Variants in FYTTD1 observed in about 807,000 individuals in gnomAD.
FYTTD1 encodes forty-two-three domain containing 1, also known as UAP56-interacting factor.
A neutral mutation model predicts 40.9 loss-of-function variants in FYTTD1; 22 were observed. The observed-to-expected ratio is 0.54, with a 90% CI of 0.38 to 0.77. The LOEUF (loss-of-function observed/expected upper bound fraction) is 0.77, where lower values mean the gene tolerates loss of function less well. Ranked by LOEUF, FYTTD1 falls within the 30% of genes least tolerant of loss-of-function variation. The probability of loss-of-function intolerance (pLI) is 0.00; values close to 1 mark genes in which losing one functional copy is unlikely to be tolerated. For missense variants in FYTTD1, 351 were observed against 392.2 expected (o/e 0.90, Z 0.89); for synonymous variants, 140 against 137.9 (o/e 1.01, Z -0.10).
rs1729937912 is a variant in FYTTD1 at position 197,778,467 on chromosome 3, A to G, written c.858+3A>G. The G allele has an allele frequency of 6.3e-7, 1 of 1,588,242 alleles. No individual in the cohort carries two copies. Among genetic ancestry groups the G allele is most frequent in the Non-Finnish European group, 8.6e-7 (1 of 1,165,198 alleles). On this transcript the variant is annotated splice_donor_region_variant and intron_variant, in intron 8 of 8. Coordinates refer to ENST00000241502, the MANE Select transcript of FYTTD1 (RefSeq NM_032288.7). ...ACATAAACAGTGTCGGAAAACAGGT[A>G]AAAAAACGTTTTCTGTATTTTCTTG... is the stretch of plus-strand genomic sequence containing the variant.
intron 4 of FYTTD1, 119 bp downstream of exon 4, chr3:197,770,363 A>G: frequency 3.0e-6 from 2 of 658,388 alleles, no homozygotes; most frequent in Non-Finnish European, 2.7e-6. Context: ...CAAGACAGAT[A>G]TTTGGGATGT....
intron 1 of FYTTD1, among the ~76,000 whole-genome samples, chr3:197,750,987 C>T (rs1178041474): frequency 2.0e-5 from 3 of 152,150 alleles, no homozygotes; most frequent in Non-Finnish European, 4.4e-5. Flanking sequence ...ATATTTTTGT[C>T]GGGATTCAAG....
chr3:197,749,856 A>T (rs1171239150), upstream of FYTTD1: 2 of 604,890 alleles, frequency 3.3e-6, no homozygotes, highest in Non-Finnish European at 5.2e-6. Context: ...GAGACCGAGG[A>T]CGGCGCCGGC....
upstream of FYTTD1, chr3:197,749,859 G>A: frequency 1.3e-5 from 8 of 632,374 alleles, no homozygotes; most frequent in Non-Finnish European, 2.0e-5. Context: ...ACCGAGGACG[G>A]CGCCGGCGCG....
intron 1 of FYTTD1, among the ~76,000 whole-genome samples, chr3:197,752,133 C>T (rs1185726110): frequency 6.6e-6 from 1 of 152,172 alleles, no homozygotes; most frequent in African/African-American, 2.4e-5. Flanking sequence ...GCCTTGGCCT[C>T]CCCTACAGGC....
intron 8 of FYTTD1, among the ~76,000 whole-genome samples, chr3:197,780,586 A>G (rs978581109): frequency 1.3e-5 from 2 of 151,496 alleles, no homozygotes; most frequent in African/African-American, 2.4e-5. Context: ...TCTGTAGCCC[A>G]GGCTGGAGTG....
chr3:197,757,672 G>T (rs1411695341), intron 2 of FYTTD1, among the ~76,000 whole-genome samples: 4 of 152,188 alleles, frequency 2.6e-5, no homozygotes, highest in Non-Finnish European at 1.5e-5. Context: ...CCACTCAGGA[G>T]TTTGAGGTGG....
At position 197,782,055 on chromosome 3, in the gene FYTTD1, A is replaced by G. The variant is rs532153464; in HGVS notation, c.*146A>G. The G allele has an allele frequency of 6.5e-6, 2 of 307,744 alleles. No individual in the cohort carries two copies. Among genetic ancestry groups the G allele is most frequent in the Admixed American group, 5.1e-5 (1 of 19,546 alleles). The allele number at this position is 307,744 out of a possible 1,614,324, so 19.1% of individuals were successfully genotyped here. On this transcript the variant is annotated 3_prime_UTR_variant, in exon 9 of 9. Coordinates refer to ENST00000241502, the MANE Select transcript of FYTTD1 (RefSeq NM_032288.7). ...TTTATTTTTGAAGGTTTTTTTTTTT[A>G]AAAAAAAAAACGTATAAAATAATGC...
At chr3:197,764,661 A>G (rs900614050) in intron 2 of FYTTD1, among the ~76,000 whole-genome samples, 2 of 147,198 alleles carry the variant, frequency 1.4e-5, no homozygotes, top group African/African-American at 2.5e-5. Context: ...GTGAGCCGAG[A>G]TCGCGCCGCT....
At chr3:197,751,864 TA>T (rs1158905889) in intron 1 of FYTTD1, among the ~76,000 whole-genome samples, 1 of 151,966 alleles carries the variant, frequency 6.6e-6, no homozygotes, top group African/African-American at 2.4e-5. Flanking sequence ...AGCATTAAAT[TA>T]AATTAATTAA....
rs1387752609 is a variant in FYTTD1 at position 197,783,833 on chromosome 3, T to A, written c.*1924T>A. 12 of 152,618 alleles carry A rather than the reference T, an allele frequency of 7.9e-5. No homozygotes were observed. 9.5% of individuals were successfully genotyped at this position (152,618 alleles called of 1,614,324 possible). ...TTATTGTATAGAGCTATTCATGCCA[T>A]TTTTTGGGAAAACTTTAAAAATTGC... On this transcript the variant is annotated 3_prime_UTR_variant, in exon 9 of 9. Transcript: ENST00000241502.
chr3:197,769,954 G>A (rs898821065), intron 3 of FYTTD1, among the ~76,000 whole-genome samples, 178 bp from the exon 4 acceptor site: 7 of 152,134 alleles, frequency 4.6e-5, no homozygotes, highest in African/African-American at 1.4e-4. Context: ...ATAATGTGGG[G>A]TTTTCATCTT....
chr3:197,751,647 C>G lies in FYTTD1; in HGVS notation c.103+1573C>G, dbSNP rs530452904. Reference sequence around the variant, plus strand: ...ACCCTGTCTCCCCCCGCTCTCCCCCCCCGCAAAAAAGAGAGAGAAACCTTT... The same window carrying G: ...ACCCTGTCTCCCCCCGCTCTCCCCCGCCGCAAAAAAGAGAGAGAAACCTTT... On this transcript the variant is annotated intron_variant, in intron 1 of 8. Transcript: ENST00000241502. Among the ~76,000 whole-genome samples, 3 of 151,032 alleles carry G rather than the reference C, an allele frequency of 2.0e-5. No homozygotes were observed. The South Asian group carries it at 6.3e-4, about 32-fold the overall frequency.
In FYTTD1 at chr3:197,749,891, G is replaced by A. The variant is rs1290555508; in HGVS notation, c.-81G>A. 3.4e-6 allele frequency: 3 copies of A among 880,040 alleles called. No individual in the cohort carries two copies. The highest frequency in any genetic ancestry group is 4.3e-5 in the South Asian group (2 of 46,664). The allele number at this position is 880,040 out of a possible 1,614,324, so 54.5% of individuals were successfully genotyped here. A position where few individuals can be genotyped will look rare whatever the true frequency, so the allele number is the denominator to read the frequency against. On this transcript the variant is annotated 5_prime_UTR_variant, in exon 1 of 9. Transcript: ENST00000241502. ...CGCGTGCGCGCTCCCTCGGTGCGGCGGGCTGCGTGCGCGAGTGGGAGGTGG... is the reference window on the plus strand; with the variant it reads ...CGCGTGCGCGCTCCCTCGGTGCGGCAGGCTGCGTGCGCGAGTGGGAGGTGG...
At chr3:197,779,981 A>G (rs1249199651) in intron 8 of FYTTD1, among the ~76,000 whole-genome samples, 2 of 138,304 alleles carry the variant, frequency 1.4e-5, no homozygotes, top group African/African-American at 5.7e-5. Context: ...GGATGCAGGC[A>G]CACACACTAC....
At position 197,774,300 on chromosome 3, in the gene FYTTD1, T is replaced by A. The variant is rs969667282; in HGVS notation, c.656+90T>A. ...ATCATGTACCTCAGTCCAGAAGAAA[T>A]TAATTGAAACCCAAAATAAAATTCA... On this transcript the variant is annotated intron_variant, in intron 6 of 8. Transcript: ENST00000241502. 29 of 1,092,586 alleles carry A rather than the reference T, an allele frequency of 2.7e-5. No homozygotes were observed. The Admixed American group carries it at 2.9e-4, about 11-fold the overall frequency. The allele number at this position is 1,092,586 out of a possible 1,614,324, so 67.7% of individuals were successfully genotyped here.
chr3:197,755,611 AATTTATTTATTTATTTATTTATTT>A (rs10554264), intron 1 of FYTTD1: 6 of 201,108 alleles, frequency 3.0e-5, no homozygotes, highest in African/African-American at 1.0e-4. Flanking sequence ...ATACCCGGCT[AATTTATTTATTTATTTATTTATTT>A]ATTTATTTAT....
intron 2 of FYTTD1, among the ~76,000 whole-genome samples, chr3:197,765,914 T>C (rs899611453): frequency 6.6e-6 from 1 of 152,074 alleles, no homozygotes; most frequent in Non-Finnish European, 1.5e-5. Context: ...GAGAATGGCA[T>C]GAACCTGGGA....
chr3:197,774,969 C>T lies in FYTTD1; in HGVS notation c.656+759C>T, dbSNP rs1729834331. Among the ~76,000 whole-genome samples, 3 of 152,326 alleles carry T rather than the reference C, an allele frequency of 2.0e-5. No homozygotes were observed. The South Asian group carries it at 6.2e-4, about 32-fold the overall frequency. The stretch of plus-strand genomic sequence containing the variant: ...GTCCTTTGTTAATTTTCCCCAAAAA[C>T]CTTTTGAGTTTTCATGTGTCGATAT... On this transcript the variant is annotated intron_variant, in intron 6 of 8. Transcript: ENST00000241502.
Sources: allele counts gnomAD v4.1 joint callset (sites outside exome capture counted in the v4.1 genomes callset), GRCh38; gene constraint gnomAD v4.1.1; transcripts MANE v1.5; gene names NCBI Gene and HGNC (gene_info 2026-07-23, HGNC 2026-07-21).